The following ARHGAP24 variants were observed in gnomAD, a reference collection of about 807,000 sequenced individuals.
ARHGAP24 encodes the protein rho GTPase-activating protein 24.
ARHGAP24 carries 50 observed loss-of-function variants against 76.4 expected under a neutral mutation model. The observed-to-expected ratio is 0.65, with a 90% CI of 0.52 to 0.83. ARHGAP24 has a LOEUF of 0.83. Ranked by LOEUF, ARHGAP24 falls within the 40% of genes least tolerant of loss-of-function variation. The pLI is 0.00. For synonymous variants in ARHGAP24, 345 were observed against 323.3 expected (o/e 1.07, Z -0.72); for missense variants, 930 against 914.2 (o/e 1.02, Z -0.22).
At chr4:85,938,551 A>G (rs1431918232) in intron 4 of ARHGAP24, among the ~76,000 whole-genome samples, 1 of 152,096 alleles carries the variant, frequency 6.6e-6, no homozygotes, top group Non-Finnish European at 1.5e-5. Context: ...GGCAACCCAC[A>G]TCTACCATTT....
At chr4:85,510,765 C>T (rs1301548993) in intron 1 of ARHGAP24, among the ~76,000 whole-genome samples, 2 of 149,998 alleles carry the variant, frequency 1.3e-5, no homozygotes, top group Admixed American at 1.3e-4. Context: ...TAATACATTC[C>T]TCCTCCTCCT....
intron 3 of ARHGAP24, among the ~76,000 whole-genome samples, chr4:85,826,413 C>T (rs755609115): frequency 2.0e-5 from 3 of 152,142 alleles, no homozygotes; most frequent in Admixed American, 6.5e-5. Context: ...AAACACTAGA[C>T]GGGGCTCATG....
chr4:85,919,494 C>G (rs1578388070), intron 3 of ARHGAP24, among the ~76,000 whole-genome samples: 1 of 152,012 alleles, frequency 6.6e-6, no homozygotes, highest in Admixed American at 6.6e-5. Context: ...AAGAATCATA[C>G]AAAAACTTTT....
At chr4:85,844,309 C>G (rs1407818901) in intron 3 of ARHGAP24, among the ~76,000 whole-genome samples, 1 of 152,206 alleles carries the variant, frequency 6.6e-6, no homozygotes, top group Non-Finnish European at 1.5e-5. Context: ...CCTGGCTGAA[C>G]TGTTCGTTAC....
chr4:85,509,864 G>T (rs1257619866), intron 1 of ARHGAP24, among the ~76,000 whole-genome samples: 1 of 151,984 alleles, frequency 6.6e-6, no homozygotes, highest in East Asian at 1.9e-4. Flanking sequence ...CATTTAAAAT[G>T]CCCCTTTTGT....
At chr4:85,917,901 T>C (rs1401340285) in intron 3 of ARHGAP24, among the ~76,000 whole-genome samples, 1 of 152,138 alleles carries the variant, frequency 6.6e-6, no homozygotes, top group Admixed American at 6.5e-5. Context: ...AGAAAAGTAA[T>C]GCACATAGGA....
chr4:85,744,036 T>C (rs985241327), intron 3 of ARHGAP24, among the ~76,000 whole-genome samples: 8 of 152,184 alleles, frequency 5.3e-5, no homozygotes, highest in African/African-American at 1.9e-4. Context: ...TCATCCTCCA[T>C]ATTAAAAACA....
intron 1 of ARHGAP24, among the ~76,000 whole-genome samples, chr4:85,568,370 T>C (rs1726932950): frequency 6.6e-6 from 1 of 152,138 alleles, no homozygotes; most frequent in African/African-American, 2.4e-5. Flanking sequence ...CATTTAACTT[T>C]ATAAATTAAG....
chr4:85,529,938 G>A (rs1322332057), intron 1 of ARHGAP24, among the ~76,000 whole-genome samples: 2 of 151,856 alleles, frequency 1.3e-5, no homozygotes, highest in African/African-American at 4.8e-5. Flanking sequence ...TCTTTTGAGA[G>A]TTGGTTAAGT....
intron 3 of ARHGAP24, among the ~76,000 whole-genome samples, chr4:85,855,494 G>A (rs1731501200): frequency 6.6e-6 from 1 of 152,016 alleles, no homozygotes; most frequent in Non-Finnish European, 1.5e-5. Context: ...ATCACCTGAG[G>A]TCAGGAGTTC....
intron 3 of ARHGAP24, among the ~76,000 whole-genome samples, chr4:85,860,306 CATAT>C (rs1174058652): frequency 1.3e-5 from 2 of 152,022 alleles, no homozygotes; most frequent in Non-Finnish European, 2.9e-5. Flanking sequence ...AGGGCTCACT[CATAT>C]ATGAGTCAGA....
intron 3 of ARHGAP24, among the ~76,000 whole-genome samples, chr4:85,910,761 T>G (rs1735030725): frequency 6.6e-6 from 1 of 152,008 alleles, no homozygotes; most frequent in African/African-American, 2.4e-5. Flanking sequence ...GGGTTGGAAG[T>G]GCACACAACT....
chr4:85,818,073 T>C (rs549146572), intron 3 of ARHGAP24, among the ~76,000 whole-genome samples: 3 of 152,258 alleles, frequency 2.0e-5, no homozygotes, highest in Admixed American at 2.0e-4. Flanking sequence ...TGACATTATA[T>C]CAAGAAGTTG....
At chr4:85,783,710 ACG>A (rs1727670504) in intron 3 of ARHGAP24, among the ~76,000 whole-genome samples, 1 of 151,694 alleles carries the variant, frequency 6.6e-6, no homozygotes, top group Admixed American at 6.6e-5. Context: ...GAAAACAGTC[ACG>A]ATTCCATGCC....
chr4:85,863,685 CTT>C (rs1016849033), intron 3 of ARHGAP24, among the ~76,000 whole-genome samples: 8 of 151,994 alleles, frequency 5.3e-5, no homozygotes, highest in Non-Finnish European at 8.8e-5. Context: ...ACAACAGTAA[CTT>C]TTAGTGTTAA....
intron 2 of ARHGAP24, among the ~76,000 whole-genome samples, chr4:85,627,682 C>A (rs7665825): frequency 6.6e-6 from 1 of 152,220 alleles, no homozygotes; most frequent in Non-Finnish European, 1.5e-5. Flanking sequence ...AGCCTACAGA[C>A]GCAGGCAGGC....
At chr4:85,824,665 A>G (rs192732544) in intron 3 of ARHGAP24, among the ~76,000 whole-genome samples, 48 of 152,338 alleles carry the variant, frequency 3.2e-4, no homozygotes, top group Middle Eastern at 3.4e-3. Context: ...ATATGATTCT[A>G]AAATCCGGAT....
At chr4:85,627,991 T>C (rs183174058) in intron 2 of ARHGAP24, among the ~76,000 whole-genome samples, 1 of 152,312 alleles carries the variant, frequency 6.6e-6, no homozygotes, top group Non-Finnish European at 1.5e-5. Flanking sequence ...TGTCTTTGAC[T>C]AGGAAAGGGA....
chr4:85,633,355 A>G (rs1345448262), intron 2 of ARHGAP24, among the ~76,000 whole-genome samples: 1 of 151,956 alleles, frequency 6.6e-6, no homozygotes, highest in Non-Finnish European at 1.5e-5. Context: ...CCCAGTACAA[A>G]TGATTTTTGG....
Sources: gnomAD v4.1 joint callset for allele counts (sites outside exome capture counted in the v4.1 genomes callset) on GRCh38, gnomAD v4.1.1 for gene constraint, MANE v1.5 for transcripts, NCBI Gene and HGNC (gene_info 2026-07-23, HGNC 2026-07-21) for gene names.